WDR90: variants seen among roughly 807,000 people sequenced by gnomAD.
WDR90 encodes WD repeat domain 90.
WDR90 carries 238 observed loss-of-function variants against 195.2 expected under a neutral mutation model. The observed-to-expected ratio is 1.22, with a 90% CI of 1.10 to 1.36. WDR90 has a LOEUF of 1.36. Ranked by LOEUF, WDR90 falls within the 40% of genes most tolerant of loss-of-function variation. The pLI is 0.00. For synonymous variants in WDR90, 1,265 were observed against 1,052.4 expected, an observed-to-expected ratio of 1.20 and a Z score of -3.91; for missense variants, 2,734 against 2,439.5, an observed-to-expected ratio of 1.12 and a Z score of -2.54.
chr16:653,577 C>G lies in WDR90; in HGVS notation c.1286C>G (p.Ala429Gly). Residue 429 changes from alanine to glycine, a missense_variant, in exon 12 of 41, where the codon GCA becomes GGA. Coordinates refer to ENST00000293879, the MANE Select transcript of WDR90 (RefSeq NM_145294.5). ...AGCTCACTATTGGCCTCGGCCCAGG[C>G]AAGGGCCCCTAGTGTGATGCGGCTC... The part of the protein sequence containing the change: ...GSSSLLASAQ[A>G]RAPSVMRLWD... 2 of 1,613,538 alleles carry G rather than the reference C, an allele frequency of 1.2e-6. No individual in the cohort carries two copies. Among genetic ancestry groups the G allele is most frequent in the Non-Finnish European group, 1.7e-6 (2 of 1,180,004 alleles).
Position 661,131 on chromosome 16 carries a change from T to G in WDR90, c.3472T>G (p.Ser1158Ala), listed in dbSNP as rs779196474. Residue 1158 changes from serine (S) to alanine (A), a missense_variant, in exon 29 of 41, where the codon TCT becomes GCT. Transcript: ENST00000293879. Reference protein sequence around the residue: ...SGAQQHWSGHSAEISTLALSH... With the variant: ...SGAQQHWSGHAAEISTLALSH... ...CGCCCAGCAGCACTGGTCCGGCCAC[T>G]CTGCGGAGATCTCCACGCTGGCCCT... is the stretch of plus-strand genomic sequence containing the variant. 20 of 1,559,922 alleles carry G rather than the reference T, an allele frequency of 1.3e-5. No homozygotes were observed. Among genetic ancestry groups the G allele is most frequent in the Non-Finnish European group, 1.7e-5 (20 of 1,160,438 alleles).
Position 650,987 on chromosome 16 carries a change from C to G in WDR90, c.560-8C>G. 6.2e-7 allele frequency: 1 copy of G among 1,612,922 alleles called. No homozygotes were observed. The highest frequency in any genetic ancestry group is 8.5e-7 in the Non-Finnish European group (1 of 1,179,892). On this transcript the variant is annotated splice_polypyrimidine_tract_variant and splice_region_variant and intron_variant, in intron 5 of 40. Coordinates refer to ENST00000293879, the MANE Select transcript of WDR90 (RefSeq NM_145294.5). ...TCCCTTGACCTGGAACAACCCTGCTCCTTGTAGCCATCTCTGGGGCCCAGT... is the reference window on the plus strand; with the variant it reads ...TCCCTTGACCTGGAACAACCCTGCTGCTTGTAGCCATCTCTGGGGCCCAGT...
intron 35 of WDR90, 56 bp from the exon 36 acceptor site, chr16:665,894 G>T: frequency 6.4e-7 from 1 of 1,559,422 alleles, no homozygotes; most frequent in Non-Finnish European, 8.7e-7. Context: ...TCTGGCCTGG[G>T]TGTGTGTCCT....
At chr16:662,140 G>T in intron 32 of WDR90, 80 bp from the exon 33 acceptor site, 1 of 1,542,876 alleles carries the variant, frequency 6.5e-7, no homozygotes. Context: ...CTCATCTGTA[G>T]CCCTGGCGTC....
In WDR90 at chr16:649,820, G is replaced by A. The variant is rs988436915; in HGVS notation, c.68G>A (p.Arg23His). 8.8e-6 allele frequency: 14 copies of A among 1,582,266 alleles called. No homozygotes were observed. The highest frequency in any genetic ancestry group is 1.8e-5 in the Admixed American group (1 of 55,262). ...FRHFRVDEWKRSAKQGDVAVV... is the reference protein window; with the variant it reads ...FRHFRVDEWKHSAKQGDVAVV... ...CACTTCCGGGTGGACGAGTGGAAGC[G>A]CTCCGCCAAGCAGGGGGACGTGGCC... Residue 23 changes from arginine (R) to histidine (H), a missense_variant, in exon 2 of 41, where the codon CGC (arginine) becomes CAC (histidine). Transcript: ENST00000293879.
Position 650,679 on chromosome 16 carries a change from C to T in WDR90, c.529C>T (p.Leu177=), listed in dbSNP as rs758717935. The change falls in exon 5 of 41, where the codon CTG becomes TTG. Residue 177 remains leucine, a synonymous_variant. Transcript: ENST00000293879. ...RLCASLLVRN[L]YTSDLCFEPA... is the part of the protein sequence containing the mutation. ...GTGCGCCAGCCTGCTGGTCAGGAAC[C>T]TGTACACCAGTGACCTGTGCTTTGA... 7 of 1,612,412 alleles carry T rather than the reference C, an allele frequency of 4.3e-6. No homozygotes were observed. The highest frequency in any genetic ancestry group is 1.1e-5 in the South Asian group (1 of 91,078).
chr16:650,629 A>G lies in WDR90; in HGVS notation c.479A>G (p.Tyr160Cys). 1 of 1,612,766 alleles carries G rather than the reference A, an allele frequency of 6.2e-7. No homozygotes were observed. The highest frequency in any genetic ancestry group is 8.5e-7 in the Non-Finnish European group (1 of 1,179,930). Residue 160 changes from tyrosine to cysteine, a missense_variant, in exon 5 of 41, where the codon TAC (tyrosine) becomes TGC (cysteine). Coordinates refer to ENST00000293879, the MANE Select transcript of WDR90 (RefSeq NM_145294.5). Reference sequence around the variant, plus strand: ...CTCCTGGTCTACCTGAACCGGTGCTACGGCCATCTCAAGAGCATCAGGCTG... The same window carrying G: ...CTCCTGGTCTACCTGAACCGGTGCTGCGGCCATCTCAAGAGCATCAGGCTG... Reference protein sequence around the residue: ...DVLLVYLNRCYGHLKSIRLCA... With the variant: ...DVLLVYLNRCCGHLKSIRLCA...
Position 662,692 on chromosome 16 carries a change from G to T in WDR90, c.4159G>T (p.Glu1387Ter). The change falls in exon 34 of 41, where the codon GAA (glutamate) becomes TAA (stop). Residue 1387 changes from glutamate (E) to a stop codon, truncating the protein, a stop_gained. Coordinates refer to ENST00000293879, the MANE Select transcript of WDR90 (RefSeq NM_145294.5). LOFTEE classifies it high-confidence loss of function. ...KGSGASSVFM[E>*]HELVLDGAVV... ...CCTGAGGTCCAGTTCTGTGTTCATG[G>T]AACACGAGCTGGTGCTGGACGGGGC... 1 of 1,556,140 alleles carries T rather than the reference G, an allele frequency of 6.4e-7. No individual in the cohort carries two copies. The highest frequency in any genetic ancestry group is 8.7e-7 in the Non-Finnish European group (1 of 1,147,164).
intron 34 of WDR90, 105 bp downstream of exon 34, chr16:662,949 C>T (rs1017403071): frequency 1.2e-4 from 179 of 1,493,048 alleles, no homozygotes; most frequent in Non-Finnish European, 1.6e-4. Context: ...GTCCTGCCGT[C>T]ACTGGCTCGC....
chr16:652,413 A>C, intron 9 of WDR90, 54 bp from the exon 10 acceptor site: 1 of 1,551,292 alleles, frequency 6.4e-7, no homozygotes, highest in South Asian at 1.2e-5. Flanking sequence ...TTGGTCGGGC[A>C]TTCTGGGGAC....
rs2037625012 is a variant in WDR90, at chr16:650,603, T to G, written c.453T>G (p.Val151=). 7 of 1,612,668 alleles carry G rather than the reference T, an allele frequency of 4.3e-6. No individual in the cohort carries two copies. Among genetic ancestry groups the G allele is most frequent in the Non-Finnish European group, 5.1e-6 (6 of 1,179,888 alleles). ...WTCLQLDLQD[V]LLVYLNRCYG... ...GCCTGCAGCTCGATCTGCAGGACGTTCTCCTGGTCTACCTGAACCGGTGCT... is the reference window on the plus strand; with the variant it reads ...GCCTGCAGCTCGATCTGCAGGACGTGCTCCTGGTCTACCTGAACCGGTGCT... Residue 151 remains valine (V), a synonymous_variant, in exon 5 of 41, where the codon GTT becomes GTG. Transcript: ENST00000293879.
chr16:662,698 G>A lies in WDR90; in HGVS notation c.4165G>A (p.Glu1389Lys), dbSNP rs745634832. The A allele has an allele frequency of 4.5e-6, 7 of 1,560,206 alleles. No homozygotes were observed. The highest frequency in any genetic ancestry group is 1.2e-5 in the South Asian group (1 of 83,794). ...SGASSVFMEH[E>K]LVLDGAVVSA... ...GTCCAGTTCTGTGTTCATGGAACAC[G>A]AGCTGGTGCTGGACGGGGCTGTGGT... Residue 1389 changes from glutamate (E) to lysine (K), a missense_variant, in exon 34 of 41, where the codon GAG (glutamate) becomes AAG (lysine). Glu to Lys is a moderately conservative substitution (Grantham distance 56). Transcript: ENST00000293879.
At chr16:659,042 A>G (rs1349118868) in intron 24 of WDR90, 31 bp downstream of exon 24, 2 of 1,612,922 alleles carry the variant, frequency 1.2e-6, no homozygotes, top group South Asian at 2.2e-5. Context: ...GTGTCTGCCT[A>G]GGCCCCCCAG....
At chr16:650,193 C>T (rs754739134) in intron 3 of WDR90, 26 bp downstream of exon 3, 2 of 1,610,048 alleles carry the variant, frequency 1.2e-6, no homozygotes, top group African/African-American at 1.3e-5. Flanking sequence ...CTGGGGGCTG[C>T]GTGGGAGCCC....
chr16:656,540 G>A lies in WDR90; in HGVS notation c.2202+3G>A, dbSNP rs146097888. 1,257 of 1,566,244 alleles carry A rather than the reference G, an allele frequency of 8.0e-4. 6 individuals carry two copies. The African/African-American group carries it at 0.015, about 18-fold the overall frequency. Reference sequence around the variant, plus strand: ...GGGACCTGGCCACCCTGCAGCAGGTGGGGTTTGGCAGGGGCAGCACGGCAG... The same window carrying A: ...GGGACCTGGCCACCCTGCAGCAGGTAGGGTTTGGCAGGGGCAGCACGGCAG... On this transcript the variant is annotated splice_donor_region_variant and intron_variant, in intron 18 of 40. Coordinates refer to ENST00000293879, the MANE Select transcript of WDR90 (RefSeq NM_145294.5).
At position 661,761 on chromosome 16, in the gene WDR90, C is replaced by T. The variant is rs772533578; in HGVS notation, c.3838C>T (p.Gln1280Ter). The change falls in exon 31 of 41, where the codon CAG becomes TAG. Residue 1280 changes from glutamine to a stop codon, truncating the protein, a stop_gained. Transcript: ENST00000293879. LOFTEE classifies it high-confidence loss of function. Reference sequence around the variant, plus strand: ...CACTGTCACCTTCTGGCTCCTTCAGCAGCGTGGGGCAGACATCAGCCTTCA... The same window carrying T: ...CACTGTCACCTTCTGGCTCCTTCAGTAGCGTGGGGCAGACATCAGCCTTCA... ...QGTVTFWLLQ[Q>*]RGADISLQVR... The T allele has an allele frequency of 3.1e-6, 5 of 1,605,648 alleles. No homozygotes were observed. The highest frequency in any genetic ancestry group is 2.6e-6 in the Non-Finnish European group (3 of 1,176,130).
intron 38 of WDR90, 34 bp from the exon 39 acceptor site, chr16:666,639 A>G (rs779146760): frequency 1.9e-6 from 3 of 1,611,238 alleles, no homozygotes; most frequent in Non-Finnish European, 1.7e-6. Flanking sequence ...GCCGGTACCC[A>G]TCCACCCCAC....
chr16:664,321 AC>A (rs2037980551), intron 34 of WDR90, among the ~76,000 whole-genome samples: 1 of 152,168 alleles, frequency 6.6e-6, no homozygotes, highest in African/African-American at 2.4e-5. Flanking sequence ...GAACTGGCTC[AC>A]CTGGCTTCTC....
intron 9 of WDR90, 81 bp from the exon 10 acceptor site, chr16:652,386 G>T: frequency 6.7e-7 from 1 of 1,488,572 alleles, no homozygotes; most frequent in Non-Finnish European, 9.1e-7. Flanking sequence ...CCAGCTAGGG[G>T]TTGGCGGGGC....
Sources: gnomAD v4.1 joint callset for allele counts (sites outside exome capture counted in the v4.1 genomes callset) on GRCh38, gnomAD v4.1.1 for gene constraint, MANE v1.5 for transcripts, NCBI Gene and HGNC (gene_info 2026-07-23, HGNC 2026-07-21) for gene names.